The following PRIM2 variants were observed in gnomAD, a reference collection of about 807,000 sequenced individuals.
PRIM2 encodes DNA primase subunit 2, also known as DNA primase large subunit.
Under a neutral mutation model 67.3 loss-of-function variants are expected in PRIM2, and 39 were observed. The observed-to-expected ratio is 0.58, with a 90% confidence interval of 0.45 to 0.76. PRIM2 has a LOEUF of 0.76. Among genes scored for constraint, PRIM2 ranks in the 30% least tolerant of loss-of-function variants. The pLI is 0.00. For synonymous variants in PRIM2, 143 were observed against 198.7 expected, an observed-to-expected ratio of 0.72 and a Z score of 2.36; for missense variants, 398 against 598.7, an observed-to-expected ratio of 0.66 and a Z score of 3.50.
At chr6:57,467,208 A>G (rs1209877351) in intron 7 of PRIM2, among the ~76,000 whole-genome samples, 3 of 150,772 alleles carry the variant, frequency 2.0e-5, no homozygotes, top group African/African-American at 7.3e-5. Flanking sequence ...CATCATGCCT[A>G]TGTCCTGAAT....
intron 7 of PRIM2, among the ~76,000 whole-genome samples, chr6:57,390,693 A>G (rs1252209850): frequency 5.3e-5 from 8 of 152,280 alleles, no homozygotes; most frequent in African/African-American, 1.7e-4. Flanking sequence ...GGCTCCATCC[A>G]TGTTCCCACA....
chr6:57,505,595 G>A (rs1554347194), intron 7 of PRIM2, among the ~76,000 whole-genome samples: 7 of 152,098 alleles, frequency 4.6e-5, no homozygotes, highest in Admixed American at 1.3e-4. Context: ...TTTAATTAGG[G>A]GTGTGGTTAA....
chr6:57,635,217 T>C (rs1777098729), intron 13 of PRIM2, among the ~76,000 whole-genome samples: 1 of 152,112 alleles, frequency 6.6e-6, no homozygotes, highest in African/African-American at 2.4e-5. Context: ...AACCTCTTGA[T>C]TAAAACCCAA....
intron 7 of PRIM2, among the ~76,000 whole-genome samples, chr6:57,477,052 G>A (rs1159579780): frequency 7.2e-5 from 11 of 152,176 alleles, no homozygotes; most frequent in Non-Finnish European, 1.0e-4. Context: ...TTGCAGTAGC[G>A]TGACCACAGC....
chr6:57,473,454 A>T (rs2127402631), intron 7 of PRIM2, among the ~76,000 whole-genome samples: 1 of 152,244 alleles, frequency 6.6e-6, no homozygotes, highest in East Asian at 1.9e-4. Context: ...AACTTTTTTT[A>T]AAAAGTGCTC....
At chr6:57,274,359 T>G in the PRIM2 span, among the ~76,000 whole-genome samples, 1 of 152,222 alleles carries the variant, frequency 6.6e-6, no homozygotes, top group African/African-American at 2.4e-5. Flanking sequence ...CCCTGCGGCC[T>G]TGCAGTTTGA....
At chr6:57,486,028 A>G (rs1171088487) in intron 7 of PRIM2, among the ~76,000 whole-genome samples, 1 of 152,186 alleles carries the variant, frequency 6.6e-6, no homozygotes, top group Non-Finnish European at 1.5e-5. Flanking sequence ...GAAAAGTTAA[A>G]TAGGTGTTTG....
intron 7 of PRIM2, among the ~76,000 whole-genome samples, chr6:57,504,461 T>G (rs1437147354): frequency 1.3e-5 from 2 of 152,218 alleles, no homozygotes; most frequent in African/African-American, 4.8e-5. Context: ...GGAAACTGTA[T>G]TGGTTAATTC....
At chr6:57,617,200 CTCTAT>C (rs1776771033) in intron 12 of PRIM2, among the ~76,000 whole-genome samples, 1 of 152,226 alleles carries the variant, frequency 6.6e-6, no homozygotes, top group South Asian at 2.1e-4. Flanking sequence ...TCACTCCAAA[CTCTAT>C]CTTTATTTTC....
chr6:57,553,263 A>G (rs1775439521), intron 10 of PRIM2, among the ~76,000 whole-genome samples: 1 of 152,184 alleles, frequency 6.6e-6, no homozygotes, highest in South Asian at 2.1e-4. Flanking sequence ...TTTTTAGGTT[A>G]TATTATAATT....
chr6:57,383,137 A>T (rs978714026), intron 7 of PRIM2: 18 of 151,996 alleles, frequency 1.2e-4, no homozygotes, highest in African/African-American at 4.3e-4. Flanking sequence ...ATGCTTTTAA[A>T]TTTTTTCTTT....
At chr6:57,622,341 T>G (rs1226615096) in intron 12 of PRIM2, among the ~76,000 whole-genome samples, 1 of 152,228 alleles carries the variant, frequency 6.6e-6, no homozygotes, top group Non-Finnish European at 1.5e-5. Context: ...ATGTCATATT[T>G]CTGTTGAGAG....
At chr6:57,331,442 G>A (rs1768056247) in intron 5 of PRIM2, among the ~76,000 whole-genome samples, 1 of 152,102 alleles carries the variant, frequency 6.6e-6, no homozygotes, top group South Asian at 2.1e-4. Context: ...GTTGGGAAAT[G>A]TTTCCTCCTC....
chr6:57,409,047 G>A (rs1277454123), intron 7 of PRIM2, among the ~76,000 whole-genome samples: 1 of 151,650 alleles, frequency 6.6e-6, no homozygotes, highest in Non-Finnish European at 1.5e-5. Flanking sequence ...TTGTTAGGTA[G>A]TATTCCATTG....
intron 7 of PRIM2, among the ~76,000 whole-genome samples, chr6:57,477,667 A>T (rs1411426908): frequency 5.9e-5 from 9 of 152,202 alleles, no homozygotes; most frequent in Non-Finnish European, 1.3e-4. Flanking sequence ...TTTTAGTTAA[A>T]TTGATATTTT....
intron 8 of PRIM2, among the ~76,000 whole-genome samples, chr6:57,518,206 C>T (rs2127463080): frequency 6.6e-6 from 1 of 152,294 alleles, no homozygotes; most frequent in South Asian, 2.1e-4. Context: ...TCTTGACTTA[C>T]TGCATACATA....
chr6:57,484,553 C>T (rs1393054598), intron 7 of PRIM2, among the ~76,000 whole-genome samples: 2 of 152,144 alleles, frequency 1.3e-5, no homozygotes, highest in Non-Finnish European at 2.9e-5. Flanking sequence ...TGCCTAATTT[C>T]ATTTTTTAAA....
At chr6:57,549,027 T>C (rs1458720281) in intron 10 of PRIM2, among the ~76,000 whole-genome samples, 1 of 152,206 alleles carries the variant, frequency 6.6e-6, no homozygotes, top group Non-Finnish European at 1.5e-5. Context: ...TTTTATGGAA[T>C]CCTTAAAACC....
chr6:57,618,565 C>T (rs1244108046), intron 12 of PRIM2, among the ~76,000 whole-genome samples: 6 of 152,180 alleles, frequency 3.9e-5, no homozygotes, highest in African/African-American at 1.4e-4. Context: ...CACCTGGAAA[C>T]AGATCTGGGT....
Sources: gnomAD v4.1 joint callset for allele counts (sites outside exome capture counted in the v4.1 genomes callset) on GRCh38, gnomAD v4.1.1 for gene constraint, MANE v1.5 for transcripts, NCBI Gene and HGNC (gene_info 2026-07-23, HGNC 2026-07-21) for gene names.